Variants in GSDMB observed in about 807,000 individuals in gnomAD.
The protein encoded by GSDMB is gasdermin-B.
In GSDMB, 32 loss-of-function variants were observed where a neutral mutation model predicts 42.9. That is an observed-to-expected ratio of 0.75 (90% confidence interval 0.56 to 1.00). GSDMB has a LOEUF of 1.00. GSDMB is among the 50% of genes least tolerant of loss of function. The pLI is 0.00. For synonymous variants in GSDMB, 175 were observed against 193.7 expected, an observed-to-expected ratio of 0.90 and a Z score of 0.80; for missense variants, 468 against 498.5, an observed-to-expected ratio of 0.94 and a Z score of 0.58.
At chr17:39,905,716 G>T in intron 9 of GSDMB, 131 bp downstream of exon 9, 1 of 1,090,920 alleles carries the variant, frequency 9.2e-7, no homozygotes, top group Non-Finnish European at 1.3e-6. Context: ...CTGGCCTGAG[G>T]AAGACATGAA....
In GSDMB at chr17:39,904,957, G is replaced by T. The variant is rs748390249; in HGVS notation, c.1106C>A (p.Ser369Tyr). ...TLPLLKDQVKSVMEQNWDELA... is the reference protein window; with the variant it reads ...TLPLLKDQVKYVMEQNWDELA... ...CTCATCCCAGTTCTGCTCCATGACA[G>T]ATTTCACCTGGAAGGAAACCCCCCA... The change falls in exon 11 of 11, where the codon TCT becomes TAT. Residue 369 changes from serine to tyrosine, a missense_variant. Coordinates refer to ENST00000418519, the MANE Select transcript of GSDMB (RefSeq NM_001165958.2). The T allele has an allele frequency of 1.2e-5, 20 of 1,613,116 alleles. No homozygotes were observed. Among genetic ancestry groups the T allele is most frequent in the Non-Finnish European group, 1.7e-5 (20 of 1,179,556 alleles).
At chr17:39,915,624 G>A (rs1020026903) in intron 2 of GSDMB, among the ~76,000 whole-genome samples, 9 of 148,224 alleles carry the variant, frequency 6.1e-5, no homozygotes, top group African/African-American at 2.3e-4. Flanking sequence ...TTTTTTGAGA[G>A]CTGACTTTTA....
chr17:39,905,087 T>G (rs1244383381), intron 10 of GSDMB, 123 bp from the exon 11 acceptor site: 1 of 817,674 alleles, frequency 1.2e-6, no homozygotes, highest in Non-Finnish European at 2.0e-6. Flanking sequence ...CATGGCACTC[T>G]TTCCTGCAGA....
Position 39,905,005 on chromosome 17 carries a change from G to A in GSDMB, c.1099-41C>T, listed in dbSNP as rs376864519. ...CCAGATTGTAACAGCTAGGAACAAC[G>A]ATATACCAGAAATGGCAAATATTTG... On this transcript the variant is annotated intron_variant, in intron 10 of 10. Coordinates refer to ENST00000418519, the MANE Select transcript of GSDMB (RefSeq NM_001165958.2). 2.4e-5 allele frequency: 37 copies of A among 1,567,790 alleles called. No homozygotes were observed. In the African/African-American group the frequency reaches 3.0e-4, roughly 13 times the overall value.
intron 2 of GSDMB, among the ~76,000 whole-genome samples, chr17:39,916,192 C>T (rs943684103): frequency 6.6e-6 from 1 of 152,018 alleles, no homozygotes; most frequent in African/African-American, 2.4e-5. Context: ...TAATAAGAAT[C>T]ACCACCGACC....
At chr17:39,916,970 A>G in intron 2 of GSDMB, 112 bp downstream of exon 2, 2 of 711,846 alleles carry the variant, frequency 2.8e-6, no homozygotes. Flanking sequence ...ATGTGTACAA[A>G]TCCCACAGTT....
At chr17:39,908,117 A>G in intron 6 of GSDMB, 59 bp downstream of exon 6, 1 of 972,288 alleles carries the variant, frequency 1.0e-6, no homozygotes, top group East Asian at 2.6e-5. Flanking sequence ...TTCCATTTTT[A>G]AAAATAGTGT....
rs1477548514 is a variant in GSDMB at position 39,904,786 on chromosome 17, C to T, written c.*26G>A. ...GACTGGTAAAGGGAAAACCCAGAGG[C>T]TTGTGGGGAGAAAGGGCTTTTGTAG... is the stretch of plus-strand genomic sequence containing the variant. On this transcript the variant is annotated 3_prime_UTR_variant, in exon 11 of 11. Coordinates refer to ENST00000418519, the MANE Select transcript of GSDMB (RefSeq NM_001165958.2). 1.2e-5 allele frequency: 20 copies of T among 1,609,074 alleles called. No individual in the cohort carries two copies. The Middle Eastern group carries it at 6.6e-4, about 53-fold the overall frequency.
intron 4 of GSDMB, 109 bp from the exon 5 acceptor site, chr17:39,909,151 G>C: frequency 1.5e-6 from 1 of 674,590 alleles, no homozygotes; most frequent in Non-Finnish European, 2.6e-6. Flanking sequence ...CCATTTTATA[G>C]ACGAGAAAAC....
intron 4 of GSDMB, 101 bp from the exon 5 acceptor site, chr17:39,909,143 A>G: frequency 1.4e-6 from 1 of 697,044 alleles, no homozygotes; most frequent in Non-Finnish European, 2.5e-6. Context: ...TTGTATCCCC[A>G]TTTTATAGAC....
At chr17:39,908,295 C>A in intron 5 of GSDMB, 81 bp from the exon 6 acceptor site, 1 of 682,718 alleles carries the variant, frequency 1.5e-6, no homozygotes, top group South Asian at 1.6e-5. Context: ...TTTCTCCAGT[C>A]CCTCTCAATC....
chr17:39,913,356 C>T (rs2063649501), intron 2 of GSDMB, among the ~76,000 whole-genome samples: 1 of 151,890 alleles, frequency 6.6e-6, no homozygotes, highest in Non-Finnish European at 1.5e-5. Flanking sequence ...GGTGGGGTGG[C>T]TCACGCCTGT....
At chr17:39,908,260 AC>A in intron 5 of GSDMB, 46 bp from the exon 6 acceptor site, 1 of 1,014,974 alleles carries the variant, frequency 9.9e-7, no homozygotes, top group Non-Finnish European at 1.5e-6. Flanking sequence ...TATTGGAGAG[AC>A]CAGTTATCAC....
At chr17:39,911,216 G>C (rs371254513) in intron 3 of GSDMB, among the ~76,000 whole-genome samples, 8 of 150,844 alleles carry the variant, frequency 5.3e-5, no homozygotes, top group Non-Finnish European at 1.2e-4. Flanking sequence ...CCAGCTCCTC[G>C]GGAGGTTGAG....
chr17:39,916,440 G>T (rs1196897696), intron 2 of GSDMB, among the ~76,000 whole-genome samples: 2 of 151,574 alleles, frequency 1.3e-5, no homozygotes, highest in Non-Finnish European at 1.5e-5. Context: ...ATGCCACCAC[G>T]CCTGGCTAAT....
rs145838454 is a variant in GSDMB, at chr17:39,912,603, C to T, written c.236-106G>A. On this transcript the variant is annotated intron_variant, in intron 2 of 10. Coordinates refer to ENST00000418519, the MANE Select transcript of GSDMB (RefSeq NM_001165958.2). ...CATCCTGGGTTCCGTGCCACCATCC[C>T]CCTCCCTTCTGAGGGAGCGCCACAG... 2.5e-4 allele frequency: 203 copies of T among 827,190 alleles called. No homozygotes were observed. In the African/African-American group the frequency reaches 3.1e-3, roughly 13 times the overall value. 51.2% of individuals were successfully genotyped at this position (827,190 alleles called of 1,614,324 possible).
In GSDMB at chr17:39,916,096, C is replaced by A. The variant is rs78433925; in HGVS notation, c.235+986G>T. Among the ~76,000 whole-genome samples, 977 of 152,184 alleles carry A rather than the reference C, an allele frequency of 6.4e-3. 8 individuals carry two copies. The highest frequency in any genetic ancestry group is 0.022 in the African/African-American group (904 of 41,526). Reference sequence around the variant, plus strand: ...AGGCAGGGGGTTGGAATAATTGACTCTTCCATAAATTCCCTCAATACCTTA... The same window carrying A: ...AGGCAGGGGGTTGGAATAATTGACTATTCCATAAATTCCCTCAATACCTTA... On this transcript the variant is annotated intron_variant, in intron 2 of 10. Transcript: ENST00000418519.
At chr17:39,905,103 G>A (rs2063480651) in intron 10 of GSDMB, 139 bp from the exon 11 acceptor site, 2 of 744,280 alleles carry the variant, frequency 2.7e-6, no homozygotes, top group Non-Finnish European at 4.6e-6. Flanking sequence ...GCAGAGCCCG[G>A]AGAGCTTCAT....
In GSDMB at chr17:39,917,014, GAGA is replaced by G. The variant is rs1351743930; in HGVS notation, c.235+65_235+67del. ...GATTGGTTGATAACAATGGGGAATT[GAGA>G]AGGAGATGGAGTACAAACGGTCAAG... On this transcript the variant is annotated intron_variant, in intron 2 of 10. Transcript: ENST00000418519. The G allele has an allele frequency of 7.3e-6, 7 of 956,480 alleles. No individual in the cohort carries two copies. The East Asian group carries it at 1.2e-4, about 16-fold the overall frequency. The allele number at this position is 956,480 out of a possible 1,614,324, so 59.2% of individuals were successfully genotyped here.
Sources: allele counts gnomAD v4.1 joint callset (sites outside exome capture counted in the v4.1 genomes callset), GRCh38; gene constraint gnomAD v4.1.1; transcripts MANE v1.5; gene names NCBI Gene and HGNC (gene_info 2026-07-23, HGNC 2026-07-21).